Variants in BMERB1 observed in about 807,000 individuals in gnomAD.
The protein encoded by BMERB1 is bMERB domain-containing protein 1.
Under a neutral mutation model 23.6 loss-of-function variants are expected in BMERB1, and 12 were observed. The ratio of observed to expected loss-of-function variants is 0.51; its 90% CI spans 0.33 to 0.82. The LOEUF is 0.82. Ranked by LOEUF, BMERB1 falls within the 40% of genes least tolerant of loss-of-function variation. The pLI, the probability that BMERB1 is intolerant of heterozygous loss-of-function variation, is 0.03. For synonymous variants in BMERB1, 122 were observed against 96.6 expected, an observed-to-expected ratio of 1.26 and a Z score of -1.54; for missense variants, 247 against 255.4, an observed-to-expected ratio of 0.97 and a Z score of 0.22.
intron 1 of BMERB1, among the ~76,000 whole-genome samples, chr16:15,459,038 G>A (rs2051113213): frequency 1.3e-5 from 2 of 152,066 alleles, no homozygotes. Flanking sequence ...AACCTGGGAG[G>A]TGGAGGTTGC....
chr16:15,520,357 G>C (rs905222430), intron 2 of BMERB1, among the ~76,000 whole-genome samples: 1 of 151,982 alleles, frequency 6.6e-6, no homozygotes, highest in African/African-American at 2.4e-5. Flanking sequence ...CCCACACTTG[G>C]TCTTGTCTTG....
intron 2 of BMERB1, among the ~76,000 whole-genome samples, chr16:15,530,392 C>T (rs2051955349): frequency 6.6e-6 from 1 of 152,190 alleles, no homozygotes. Context: ...TTAATCACAT[C>T]TGCAAATTTC....
At chr16:15,524,357 G>C (rs1357537829) in intron 2 of BMERB1, among the ~76,000 whole-genome samples, 1 of 152,184 alleles carries the variant, frequency 6.6e-6, no homozygotes, top group Admixed American at 6.5e-5. Context: ...ACTAAAGGGA[G>C]GAGAGAGGAG....
rs541225825 is a variant in BMERB1, at chr16:15,476,929, T to C, written c.107-38376T>C. On this transcript the variant is annotated intron_variant, in intron 1 of 5. Transcript: ENST00000300006. Reference sequence around the variant, plus strand: ...AGATCCCCAGTTGGCCCTGCTGAAATGACAGGGAAGGGGTTGCAGTTTTTC... The same window carrying C: ...AGATCCCCAGTTGGCCCTGCTGAAACGACAGGGAAGGGGTTGCAGTTTTTC... 5.3e-5 allele frequency among the ~76,000 whole-genome samples: 8 copies of C among 152,234 alleles called. No individual in the cohort carries two copies. In the East Asian group the frequency reaches 1.5e-3, roughly 29 times the overall value.
At chr16:15,508,147 G>A (rs73499110) in intron 1 of BMERB1, among the ~76,000 whole-genome samples, 11,244 of 152,158 alleles carry the variant, frequency 0.074, 1,386 homozygotes, top group African/African-American at 0.26. Context: ...TGGGATAACA[G>A]CACTGACCAC....
intron 1 of BMERB1, among the ~76,000 whole-genome samples, chr16:15,450,975 A>G (rs1008778348): frequency 6.6e-6 from 1 of 152,130 alleles, no homozygotes; most frequent in African/African-American, 2.4e-5. Context: ...AAGAGACAGG[A>G]TTATTGCAAG....
chr16:15,504,575 A>G (rs201594891), intron 1 of BMERB1, among the ~76,000 whole-genome samples: 4 of 152,034 alleles, frequency 2.6e-5, no homozygotes, highest in East Asian at 3.9e-4. Context: ...CAGCCTCCCA[A>G]GTAGCTGGGA....
At chr16:15,461,200 C>T (rs899990670) in intron 1 of BMERB1, among the ~76,000 whole-genome samples, 6 of 151,410 alleles carry the variant, frequency 4.0e-5, no homozygotes, top group African/African-American at 1.5e-4. Context: ...GGGAGAAGCA[C>T]AATTCAAGGG....
At chr16:15,452,250 C>T (rs2150924577) in intron 1 of BMERB1, among the ~76,000 whole-genome samples, 1 of 146,166 alleles carries the variant, frequency 6.8e-6, no homozygotes, top group African/African-American at 2.5e-5. Context: ...CACTGCGCTC[C>T]AGCCTGGGAG....
intron 1 of BMERB1, among the ~76,000 whole-genome samples, chr16:15,487,558 T>TA (rs998195746): frequency 6.6e-6 from 1 of 152,138 alleles, no homozygotes; most frequent in African/African-American, 2.4e-5. Context: ...GGCGAATCCA[T>TA]AGAGTAAAAT....
chr16:15,500,049 C>T (rs1050869597), intron 1 of BMERB1, among the ~76,000 whole-genome samples: 3 of 152,184 alleles, frequency 2.0e-5, no homozygotes, highest in Non-Finnish European at 2.9e-5. Flanking sequence ...GAGGGGAATT[C>T]TGTTGGCTCT....
intron 1 of BMERB1, 130 bp downstream of exon 1, chr16:15,434,889 C>T (rs1445565425): frequency 1.4e-6 from 1 of 739,398 alleles, no homozygotes; most frequent in Non-Finnish European, 2.2e-6. Context: ...GGGCTGGCAG[C>T]TCAGGGGGAT....
intron 2 of BMERB1, chr16:15,533,108 A>C (rs1252224265): frequency 2.3e-6 from 1 of 432,502 alleles, no homozygotes; most frequent in African/African-American, 2.0e-5. Context: ...CAAGCATATT[A>C]AGTGCTCAGT....
chr16:15,462,259 C>T (rs940807420), intron 1 of BMERB1, among the ~76,000 whole-genome samples: 33 of 146,146 alleles, frequency 2.3e-4, no homozygotes, highest in African/African-American at 8.0e-4. Flanking sequence ...TTACTAGATT[C>T]TCCAGCCTCA....
rs959415448 is a variant in BMERB1 at position 15,473,986 on chromosome 16, G to A, written c.106+39227G>A. 4.6e-5 allele frequency among the ~76,000 whole-genome samples: 7 copies of A among 152,054 alleles called. 1 individual carries two copies. The East Asian group carries it at 1.2e-3, about 25-fold the overall frequency. ...TACAAAAAAATTAGCCGGGCGTGGT[G>A]GCAGGTGCCTATAGTCCCAGCTCCT... On this transcript the variant is annotated intron_variant, in intron 1 of 5. Coordinates refer to ENST00000300006, the MANE Select transcript of BMERB1 (RefSeq NM_033201.3).
At position 15,434,597 on chromosome 16, in the gene BMERB1, G is replaced by A; in HGVS notation, c.-57G>A. 13 of 1,528,648 alleles carry A rather than the reference G, an allele frequency of 8.5e-6. No individual in the cohort carries two copies. Among genetic ancestry groups the A allele is most frequent in the South Asian group, 2.3e-5 (2 of 88,812 alleles). The allele number at this position is 1,528,648 out of a possible 1,614,324, so 94.7% of individuals were successfully genotyped here. A position where few individuals can be genotyped will look rare whatever the true frequency, so the allele number is the denominator to read the frequency against. On this transcript the variant is annotated 5_prime_UTR_variant, in exon 1 of 6. Coordinates refer to ENST00000300006, the MANE Select transcript of BMERB1 (RefSeq NM_033201.3). ...GGCTGGAGCCACCTCCCTCCCTGCA[G>A]CCCGCAACGGGAATGGAGTAAAGGG...
intron 1 of BMERB1, among the ~76,000 whole-genome samples, chr16:15,453,631 G>A (rs1266696748): frequency 1.3e-5 from 2 of 151,916 alleles, no homozygotes; most frequent in South Asian, 2.1e-4. Flanking sequence ...CAGCATTTTG[G>A]GAGGCCGAGG....
chr16:15,483,115 C>G (rs979142951), intron 1 of BMERB1, among the ~76,000 whole-genome samples: 8 of 152,180 alleles, frequency 5.3e-5, no homozygotes, highest in African/African-American at 1.7e-4. Context: ...TCACTCAGCT[C>G]TAAATTATGA....
intron 1 of BMERB1, among the ~76,000 whole-genome samples, chr16:15,499,880 G>A (rs777000895): frequency 6.6e-6 from 1 of 152,104 alleles, no homozygotes; most frequent in Non-Finnish European, 1.5e-5. Flanking sequence ...ATAAGGAGTC[G>A]GGGTAGGGAG....
Sources: gnomAD v4.1 joint callset for allele counts (sites outside exome capture counted in the v4.1 genomes callset) on GRCh38, gnomAD v4.1.1 for gene constraint, MANE v1.5 for transcripts, NCBI Gene and HGNC (gene_info 2026-07-23, HGNC 2026-07-21) for gene names.